BDP1: variants seen among roughly 807,000 people sequenced by gnomAD.
BDP1 encodes BDP1 general transcription factor IIIB subunit, also known as transcription factor TFIIIB component B'' homolog.
BDP1 carries 169 observed loss-of-function variants against 266.6 expected under a neutral mutation model. That is an observed-to-expected ratio of 0.63 (90% CI 0.56 to 0.72). BDP1 has a LOEUF of 0.72. Ranked by LOEUF, BDP1 falls within the 30% of genes least tolerant of loss-of-function variation. BDP1 has a pLI of 0.00. For missense variants in BDP1, 3,015 were observed against 3,053.8 expected, an observed-to-expected ratio of 0.99 and a Z score of 0.30; for synonymous variants, 1,090 against 1,022.4, an observed-to-expected ratio of 1.07 and a Z score of -1.26.
At chr5:71,521,187 C>CAA (rs113805483) in intron 22 of BDP1, among the ~76,000 whole-genome samples, 1 of 68,596 alleles carries the variant, frequency 1.5e-5, no homozygotes, top group Non-Finnish European at 3.3e-5. Context: ...AACTCCGTCT[C>CAA]AAAAAAAAAA....
rs1229800041 is a variant in BDP1 at position 71,458,734 on chromosome 5, A to C, written c.368A>C (p.Gln123Pro). ...SESHPLSTIN[Q>P]EAPQPTATST... ...TCTCATCCCTTATCTACAATTAATC[A>C]AGAGGCTCCACAGCCAACTGCCACT... Residue 123 changes from glutamine (Q) to proline (P), a missense_variant, in exon 2 of 39, where the codon CAA becomes CCA. Physicochemically the swap from Gln to Pro is moderately conservative, Grantham distance 76 (BLOSUM62 -1). Coordinates refer to ENST00000358731, the MANE Select transcript of BDP1 (RefSeq NM_018429.3). 1.2e-6 allele frequency: 2 copies of C among 1,614,180 alleles called. No individual in the cohort carries two copies. The highest frequency in any genetic ancestry group is 3.3e-5 in the Admixed American group (2 of 60,030).
chr5:71,513,823 G>C (rs1012696696), intron 19 of BDP1, among the ~76,000 whole-genome samples: 4 of 152,034 alleles, frequency 2.6e-5, no homozygotes, highest in Admixed American at 2.6e-4. Flanking sequence ...AGGTTCAAGC[G>C]ATTCTCCTGC....
In BDP1 at chr5:71,470,384, T is replaced by C. The variant is rs1249204783; in HGVS notation, c.920-11T>C. 1 of 1,555,072 alleles carries C rather than the reference T, an allele frequency of 6.4e-7. No homozygotes were observed. Among genetic ancestry groups the C allele is most frequent in the Admixed American group, 1.8e-5 (1 of 56,660 alleles). ...TAATTTTCAATCATTCTAAATCTTT[T>C]ATTTTCACAGAAACAGATATGTTTT... On this transcript the variant is annotated splice_polypyrimidine_tract_variant and intron_variant, in intron 6 of 38. Transcript: ENST00000358731.
intron 32 of BDP1, 77 bp from the exon 33 acceptor site, chr5:71,548,605 T>C (rs1383432690): frequency 1.1e-6 from 1 of 875,780 alleles, no homozygotes; most frequent in Non-Finnish European, 1.9e-6. Context: ...CTCTTCACTA[T>C]ATCATATTGA....
intron 27 of BDP1, 102 bp downstream of exon 27, chr5:71,539,180 C>A: frequency 5.2e-6 from 4 of 769,048 alleles, no homozygotes; most frequent in Admixed American, 2.9e-5. Context: ...GAGAGTTTAA[C>A]AAAAAGATTC....
chr5:71,493,341 C>T (rs1223833497), intron 11 of BDP1, among the ~76,000 whole-genome samples: 1 of 152,168 alleles, frequency 6.6e-6, no homozygotes, highest in Non-Finnish European at 1.5e-5. Context: ...CTCACCACAA[C>T]CTTGAACTCT....
At chr5:71,572,197 G>A (rs1365856734), downstream of BDP1, among the ~76,000 whole-genome samples, 3 of 152,064 alleles carry the variant, frequency 2.0e-5, no homozygotes, top group Non-Finnish European at 4.4e-5. Context: ...TAAATACAGA[G>A]GGCTGTGTAA....
intron 36 of BDP1, among the ~76,000 whole-genome samples, chr5:71,557,482 TCA>T (rs1561790082): frequency 6.8e-6 from 1 of 146,596 alleles, no homozygotes; most frequent in Non-Finnish European, 1.5e-5. Context: ...CCTCCTGGGC[TCA>T]CACCATTCTC....
chr5:71,531,635 A>T (rs1337672772), intron 25 of BDP1, among the ~76,000 whole-genome samples: 3 of 152,118 alleles, frequency 2.0e-5, no homozygotes, highest in African/African-American at 7.2e-5. Context: ...CAGCCTCCCC[A>T]GTAGCTGGGA....
chr5:71,538,196 T>G (rs553114137), intron 26 of BDP1, among the ~76,000 whole-genome samples: 8 of 152,344 alleles, frequency 5.3e-5, no homozygotes, highest in South Asian at 4.1e-4. Flanking sequence ...TTTTATTCAT[T>G]GTTGGATTCA....
In BDP1 at chr5:71,461,866, A is replaced by G; in HGVS notation, c.539A>G (p.Asp180Gly). The G allele has an allele frequency of 3.7e-6, 6 of 1,609,786 alleles. No homozygotes were observed. Among genetic ancestry groups the G allele is most frequent in the Non-Finnish European group, 5.1e-6 (6 of 1,177,226 alleles). Residue 180 changes from aspartate (D) to glycine (G), a missense_variant, in exon 3 of 39, where the codon GAT becomes GGT. This residue lies in a region of BDP1 where 2,383 missense variants were observed against 2,404.9 expected (regional missense o/e 0.99). Coordinates refer to ENST00000358731, the MANE Select transcript of BDP1 (RefSeq NM_018429.3). ...YAINESQRPPDRSKMTMRDFI... is the reference protein window; with the variant it reads ...YAINESQRPPGRSKMTMRDFI... The stretch of plus-strand genomic sequence containing the variant: ...ATAAATGAAAGTCAGAGGCCACCAG[A>G]TCGTTCAAAAATGACTATGAGAGAC...
chr5:71,477,733 A>C (rs568263557), intron 7 of BDP1, among the ~76,000 whole-genome samples: 1 of 150,854 alleles, frequency 6.6e-6, no homozygotes, highest in Non-Finnish European at 1.5e-5. Flanking sequence ...TAATCCTTCC[A>C]TCTCAGCATC....
In BDP1 at chr5:71,553,193, C is replaced by T. The variant is rs757417836; in HGVS notation, c.7073C>T (p.Pro2358Leu). The change falls in exon 35 of 39, where the codon CCG (proline) becomes CTG (leucine). Residue 2358 changes from proline to leucine, a missense_variant. By Grantham distance (98) the Pro-to-Leu change is moderately conservative (BLOSUM62 -3). This residue lies in a region of BDP1 where 629 missense variants were observed against 632.5 expected (regional missense o/e 0.99). Transcript: ENST00000358731. ...SISGRDNSKK[P>L]PDNLDLVSRK... The stretch of plus-strand genomic sequence containing the variant: ...TCTGGAAGAGATAATTCTAAAAAGC[C>T]GCCTGATAATTTGGATCTTGTATCT... 6.8e-6 allele frequency: 11 copies of T among 1,613,110 alleles called. No homozygotes were observed. Among genetic ancestry groups the T allele is most frequent in the Admixed American group, 1.7e-5 (1 of 59,982 alleles).
chr5:71,461,811 A>G lies in BDP1; in HGVS notation c.490-6A>G, dbSNP rs374960204. 1.3e-6 allele frequency: 2 copies of G among 1,518,568 alleles called. No individual in the cohort carries two copies. The highest frequency in any genetic ancestry group is 2.8e-5 in the African/African-American group (2 of 71,892). The allele number at this position is 1,518,568 out of a possible 1,614,324, so 94.1% of individuals were successfully genotyped here. On this transcript the variant is annotated splice_polypyrimidine_tract_variant and splice_region_variant and intron_variant, in intron 2 of 38. Transcript: ENST00000358731. The stretch of plus-strand genomic sequence containing the variant: ...TAAAAGTGGATCTGTGTGTTTATGT[A>G]TACAGAAACAATGGAAAAACAAATA...
chr5:71,508,317 G>GTTTT (rs1182291395), intron 16 of BDP1, among the ~76,000 whole-genome samples: 1 of 150,870 alleles, frequency 6.6e-6, no homozygotes, highest in African/African-American at 2.4e-5. Context: ...TTGTTTGTTT[G>GTTTT]TTTTGAGATG....
rs767362746 is a variant in BDP1, at chr5:71,455,693, AAGC to A, written c.-184_-182del. On this transcript the variant is annotated 5_prime_UTR_variant, in exon 1 of 39. Coordinates refer to ENST00000358731, the MANE Select transcript of BDP1 (RefSeq NM_018429.3). Reference sequence around the variant, plus strand: ...ATCGGTGTGTGGCAGGGTCATGAAAAAGCGGCGGCGGCGGGAGAGAGGAGGAGG... The same window carrying A: ...ATCGGTGTGTGGCAGGGTCATGAAAAGGCGGCGGCGGGAGAGAGGAGGAGG... 8.2e-6 allele frequency: 5 copies of A among 609,038 alleles called. No homozygotes were observed. The highest frequency in any genetic ancestry group is 5.5e-5 in the East Asian group (2 of 36,130). The allele number at this position is 609,038 out of a possible 1,614,324, so 37.7% of individuals were successfully genotyped here.
At chr5:71,520,130 T>A (rs1441899419) in intron 22 of BDP1, among the ~76,000 whole-genome samples, 1 of 152,198 alleles carries the variant, frequency 6.6e-6, no homozygotes, top group Admixed American at 6.5e-5. Flanking sequence ...TCTGTTCTCT[T>A]TTGCCTATTC....
At chr5:71,463,274 T>TG (rs1327295165) in intron 3 of BDP1, among the ~76,000 whole-genome samples, 2 of 152,180 alleles carry the variant, frequency 1.3e-5, no homozygotes, top group African/African-American at 4.8e-5. Flanking sequence ...AAAGTTAGCC[T>TG]GGGGTTTCTG....
intron 25 of BDP1, among the ~76,000 whole-genome samples, chr5:71,524,653 T>A (rs1354525664): frequency 1.4e-5 from 2 of 139,704 alleles, no homozygotes; most frequent in Admixed American, 7.0e-5. Context: ...TATTTTTTTT[T>A]ATTGATCATT....
Sources: allele counts gnomAD v4.1 joint callset (sites outside exome capture counted in the v4.1 genomes callset), GRCh38; gene constraint gnomAD v4.1.1; regional missense constraint gnomAD v4.1.1; transcripts MANE v1.5; gene names NCBI Gene and HGNC (gene_info 2026-07-23, HGNC 2026-07-21).